ADGRE3: variants seen among roughly 807,000 people sequenced by gnomAD.
ADGRE3 encodes the protein adhesion G protein-coupled receptor E3.
A neutral mutation model predicts 80.1 loss-of-function variants in ADGRE3; 88 were observed. The ratio of observed to expected loss-of-function variants is 1.10; its 90% CI spans 0.93 to 1.31. ADGRE3 has a LOEUF of 1.31. ADGRE3 is among the 40% of genes most tolerant of loss of function. ADGRE3 has a pLI of 0.00. For missense variants in ADGRE3, 715 were observed against 776.5 expected (o/e 0.92, Z 0.94); for synonymous variants, 281 against 294.8 (o/e 0.95, Z 0.48).
intron 6 of ADGRE3, 50 bp downstream of exon 6, chr19:14,654,932 C>A: frequency 6.8e-7 from 1 of 1,478,240 alleles, no homozygotes; most frequent in Non-Finnish European, 9.2e-7. Flanking sequence ...AACCCAGATC[C>A]CAGCTGCTAA....
At position 14,663,434 on chromosome 19, in the gene ADGRE3, G is replaced by A; in HGVS notation, c.183C>T (p.Pro61=). Residue 61 remains proline (P), a synonymous_variant, in exon 3 of 16, where the codon CCC becomes CCT. Transcript: ENST00000253673. ...CTTCTTTACCGTTACATGTCTCCAAGGGGAATGTGAATAGTTTCTGCCCAG... is the reference window on the plus strand; with the variant it reads ...CTTCTTTACCGTTACATGTCTCCAAAGGGAATGTGAATAGTTTCTGCCCAG... The part of the protein sequence containing the change: ...SGSGQKLFTF[P]LETCNDINEC... The A allele has an allele frequency of 6.2e-7, 1 of 1,606,184 alleles. No individual in the cohort carries two copies. The highest frequency in any genetic ancestry group is 8.5e-7 in the Non-Finnish European group (1 of 1,174,550).
intron 14 of ADGRE3, 127 bp downstream of exon 14, chr19:14,629,908 TAGAG>T (rs140150874): frequency 0.034 from 18,204 of 534,094 alleles, 470 homozygotes; most frequent in East Asian, 0.11. Context: ...GTAGAGAAAA[TAGAG>T]AGAGTGTTTA....
chr19:14,637,172 C>T (rs1280486056), intron 11 of ADGRE3, among the ~76,000 whole-genome samples: 1 of 152,138 alleles, frequency 6.6e-6, no homozygotes, highest in Non-Finnish European at 1.5e-5. Context: ...ACCAGTGAAA[C>T]TACTGGCTTC....
chr19:14,620,436 A>T (rs1349203364), intron 15 of ADGRE3, among the ~76,000 whole-genome samples: 1 of 126,830 alleles, frequency 7.9e-6, no homozygotes, highest in African/African-American at 3.0e-5. Flanking sequence ...ATGAATATAT[A>T]TGTATATTCA....
chr19:14,615,115 T>C (rs2075067867), downstream of ADGRE3, among the ~76,000 whole-genome samples: 1 of 151,902 alleles, frequency 6.6e-6, no homozygotes. Flanking sequence ...GCTTGTCCAT[T>C]GTCATTTAGT....
intron 8 of ADGRE3, among the ~76,000 whole-genome samples, chr19:14,646,962 A>C (rs545820788): frequency 1.3e-5 from 2 of 152,030 alleles, no homozygotes; most frequent in South Asian, 2.1e-4. Context: ...TTTTCTTCTT[A>C]TTAAGTCTTC....
In ADGRE3 at chr19:14,662,129, A is replaced by C. The variant is rs780950614; in HGVS notation, c.200-11T>G. ...TACATTCATTAATGTCTGGAACACA[A>C]AGAAGCAATTGGGTCATTCATTCAG... On this transcript the variant is annotated splice_polypyrimidine_tract_variant and intron_variant, in intron 3 of 15. Transcript: ENST00000253673. 4 of 1,613,618 alleles carry C rather than the reference A, an allele frequency of 2.5e-6. No individual in the cohort carries two copies. The highest frequency in any genetic ancestry group is 3.4e-6 in the Non-Finnish European group (4 of 1,179,684).
intron 4 of ADGRE3, among the ~76,000 whole-genome samples, chr19:14,661,138 C>T (rs1433437622): frequency 2.0e-5 from 3 of 151,974 alleles, no homozygotes; most frequent in South Asian, 2.1e-4. Flanking sequence ...AATGGGGTTT[C>T]GCCATGTTGG....
chr19:14,651,538 TA>T (rs1172212797), intron 6 of ADGRE3, among the ~76,000 whole-genome samples: 1 of 152,206 alleles, frequency 6.6e-6, no homozygotes, highest in Non-Finnish European at 1.5e-5. Flanking sequence ...AGAAGTTAGG[TA>T]AGACTCTAAT....
intron 6 of ADGRE3, among the ~76,000 whole-genome samples, chr19:14,652,794 A>G (rs1971644822): frequency 6.6e-6 from 1 of 151,664 alleles, no homozygotes; most frequent in Non-Finnish European, 1.5e-5. Context: ...AAAAAAGAAA[A>G]AAAAAAAAAG....
chr19:14,660,937 C>CTTTTTTTTT (rs35730102), intron 4 of ADGRE3, among the ~76,000 whole-genome samples: 1 of 83,478 alleles, frequency 1.2e-5, no homozygotes. Context: ...GTCATATTTC[C>CTTTTTTTTT]TTTTTTTTTT....
In ADGRE3 at chr19:14,630,081, T is replaced by C. The variant is rs1970837035; in HGVS notation, c.1770A>G (p.Gln590=). 1.9e-6 allele frequency: 3 copies of C among 1,612,084 alleles called. No individual in the cohort carries two copies. The highest frequency in any genetic ancestry group is 1.7e-6 in the Non-Finnish European group (2 of 1,178,624). ...AGTAGACCAAGAAGATGAAGAAGCC[T>C]TGGAGGCTGTTGATGATGGTGAAGA... ...AYLFTIINSL[Q]GFFIFLVYCL... The change falls in exon 14 of 16, where the codon CAA becomes CAG. Residue 590 remains glutamine (Q), a synonymous_variant. Transcript: ENST00000253673.
chr19:14,667,692 G>A (rs937106282), intron 2 of ADGRE3, among the ~76,000 whole-genome samples: 12 of 152,080 alleles, frequency 7.9e-5, no homozygotes, highest in East Asian at 5.8e-4. Flanking sequence ...GGTGGGGGGC[G>A]TGGGGAGGGA....
intron 14 of ADGRE3, chr19:14,628,783 C>A: frequency 7.4e-6 from 2 of 270,828 alleles, no homozygotes; most frequent in Non-Finnish European, 7.2e-6. Context: ...TGGAATGTGA[C>A]CTAGTTTGGG....
chr19:14,629,890 T>C (rs1970830904), intron 14 of ADGRE3, 149 bp downstream of exon 14: 1 of 485,200 alleles, frequency 2.1e-6, no homozygotes, highest in Non-Finnish European at 3.6e-6. Context: ...ACTAGTAGCA[T>C]TTTTAAAGTA....
At chr19:14,658,462 G>C (rs1971839075) in intron 5 of ADGRE3, 51 bp downstream of exon 5, 1 of 1,428,816 alleles carries the variant, frequency 7.0e-7, no homozygotes, top group South Asian at 1.5e-5. Flanking sequence ...GTAAATATTT[G>C]TTACTGATGT....
At chr19:14,651,025 A>G in intron 7 of ADGRE3, 60 bp downstream of exon 7, 1 of 1,601,094 alleles carries the variant, frequency 6.2e-7, no homozygotes, top group Non-Finnish European at 8.5e-7. Context: ...TTGTTTCCCC[A>G]TGACTCACAC....
At chr19:14,617,377 C>CCTTT (rs1312546722), downstream of ADGRE3, among the ~76,000 whole-genome samples, 643 of 86,338 alleles carry the variant, frequency 7.4e-3, 13 homozygotes, top group Middle Eastern at 0.03. Context: ...TTTCTTTCTT[C>CCTTT]CTTTCTTTCT....
chr19:14,607,364 C>T, the ADGRE3 span, among the ~76,000 whole-genome samples: 57 of 127,942 alleles, frequency 4.5e-4, 1 homozygote, highest in Admixed American at 2.1e-3. Context: ...TCACCATGCC[C>T]GGCTAATTTT....
Sources: allele counts gnomAD v4.1 joint callset (sites outside exome capture counted in the v4.1 genomes callset), GRCh38; gene constraint gnomAD v4.1.1; transcripts MANE v1.5; gene names NCBI Gene and HGNC (gene_info 2026-07-23, HGNC 2026-07-21).